UBASH3B: variants seen among roughly 807,000 people sequenced by gnomAD.
UBASH3B encodes ubiquitin-associated and SH3 domain-containing protein B.
In UBASH3B, 37 loss-of-function variants were observed where a neutral mutation model predicts 83.4. That is an observed-to-expected ratio of 0.44 (90% CI 0.34 to 0.58). The LOEUF (loss-of-function observed/expected upper bound fraction) is 0.58, where lower values mean the gene tolerates loss of function less well. UBASH3B is among the 20% of genes least tolerant of loss of function. The pLI is 0.01. For synonymous variants in UBASH3B, 304 were observed against 318.3 expected (o/e 0.96, Z 0.48); for missense variants, 657 against 827.2 (o/e 0.79, Z 2.52).
intron 1 of UBASH3B, among the ~76,000 whole-genome samples, chr11:122,741,794 C>T (rs1320136776): frequency 6.6e-6 from 1 of 152,156 alleles, no homozygotes; most frequent in African/African-American, 2.4e-5. Context: ...GTCAGCAACC[C>T]TCCTTTGCTC....
intron 1 of UBASH3B, among the ~76,000 whole-genome samples, chr11:122,765,014 G>GAA (rs57309301): frequency 8.2e-5 from 12 of 145,638 alleles, no homozygotes; most frequent in African/African-American, 3.0e-4. Flanking sequence ...CTGCTGCATA[G>GAA]AAAAAAAAAA....
Position 122,720,495 on chromosome 11 carries a change from C to T in UBASH3B, c.162-55724C>T, listed in dbSNP as rs531109753. Among the ~76,000 whole-genome samples the T allele has an allele frequency of 7.9e-5, 12 of 152,334 alleles. No homozygotes were observed. The South Asian group carries it at 2.3e-3, about 29-fold the overall frequency. On this transcript the variant is annotated intron_variant, in intron 1 of 13. Transcript: ENST00000284273. The stretch of plus-strand genomic sequence containing the variant: ...AAAGTGTAAGGCAGATGGAATCACT[C>T]CACTGCTCAAAATGCCCCAACGTTC...
At chr11:122,660,608 G>C (rs894925941) in intron 1 of UBASH3B, among the ~76,000 whole-genome samples, 3 of 152,194 alleles carry the variant, frequency 2.0e-5, no homozygotes, top group Admixed American at 2.0e-4. Context: ...TCAGAGCACT[G>C]TCATCCCCCT....
chr11:122,762,188 C>T (rs959499266), intron 1 of UBASH3B, among the ~76,000 whole-genome samples: 3 of 152,136 alleles, frequency 2.0e-5, no homozygotes, highest in African/African-American at 7.2e-5. Flanking sequence ...GTGCCCCTGG[C>T]TTGCTGTTGT....
intron 1 of UBASH3B, among the ~76,000 whole-genome samples, chr11:122,672,271 C>T (rs1863605869): frequency 6.6e-6 from 1 of 151,936 alleles, no homozygotes; most frequent in Admixed American, 6.6e-5. Flanking sequence ...TGGAGGGTAT[C>T]TCTCCTCTAA....
At chr11:122,667,594 CAG>C (rs970845188) in intron 1 of UBASH3B, among the ~76,000 whole-genome samples, 1 of 152,102 alleles carries the variant, frequency 6.6e-6, no homozygotes, top group Non-Finnish European at 1.5e-5. Context: ...ATAAACCAGA[CAG>C]GGAGCACACG....
intron 1 of UBASH3B, among the ~76,000 whole-genome samples, chr11:122,771,015 C>G (rs982788345): frequency 2.0e-5 from 3 of 152,208 alleles, no homozygotes; most frequent in Non-Finnish European, 2.9e-5. Context: ...ACGCATAAGG[C>G]CTTTGCGAGT....
chr11:122,776,309 T>G, intron 2 of UBASH3B, 37 bp downstream of exon 2: 1 of 1,576,152 alleles, frequency 6.3e-7, no homozygotes, highest in Non-Finnish European at 8.6e-7. Context: ...AAATAGCATA[T>G]AATTAACTCA....
intron 13 of UBASH3B, among the ~76,000 whole-genome samples, chr11:122,809,179 A>G (rs1318327176): frequency 6.6e-6 from 1 of 151,798 alleles, no homozygotes; most frequent in African/African-American, 2.4e-5. Flanking sequence ...GATTCAAGCG[A>G]TTCTCCTGAT....
intron 10 of UBASH3B, among the ~76,000 whole-genome samples, chr11:122,800,128 C>T (rs901411526): frequency 6.6e-6 from 1 of 152,164 alleles, no homozygotes; most frequent in Admixed American, 6.5e-5. Context: ...AAATGTTCAG[C>T]ATTAGATTTT....
At chr11:122,720,813 A>AT (rs1024110865) in intron 1 of UBASH3B, among the ~76,000 whole-genome samples, 3 of 151,714 alleles carry the variant, frequency 2.0e-5, no homozygotes, top group African/African-American at 4.8e-5. Context: ...TCCCTGCCTT[A>AT]TTTTTTCCAA....
chr11:122,682,423 C>G (rs1384389904), intron 1 of UBASH3B, among the ~76,000 whole-genome samples: 1 of 152,208 alleles, frequency 6.6e-6, no homozygotes, highest in East Asian at 1.9e-4. Context: ...GAGAAGTTCA[C>G]TTGTCCCTGT....
chr11:122,762,661 A>G (rs1385370349), intron 1 of UBASH3B, among the ~76,000 whole-genome samples: 1 of 152,198 alleles, frequency 6.6e-6, no homozygotes, highest in African/African-American at 2.4e-5. Context: ...GACTCCTGCC[A>G]CCGTCACCCG....
intron 1 of UBASH3B, among the ~76,000 whole-genome samples, chr11:122,675,787 T>C (rs1231071228): frequency 2.0e-5 from 3 of 152,158 alleles, no homozygotes; most frequent in African/African-American, 7.2e-5. Flanking sequence ...AGGAGGCACC[T>C]GCTGAAGGCA....
rs12419101 is a variant in UBASH3B, at chr11:122,785,249, C to T, written c.771+2027C>T. Among the ~76,000 whole-genome samples, 297 of 152,208 alleles carry T rather than the reference C, an allele frequency of 2.0e-3. 3 individuals carry two copies. Among genetic ancestry groups the T allele is most frequent in the Admixed American group, 0.012 (184 of 15,292 alleles). ...TTATTTGTAAAAGCTCATTTATTACCGTTCGTTCTGATAAAGCTCTCCTCG... is the reference window on the plus strand; with the variant it reads ...TTATTTGTAAAAGCTCATTTATTACTGTTCGTTCTGATAAAGCTCTCCTCG... On this transcript the variant is annotated intron_variant, in intron 5 of 13. Transcript: ENST00000284273.
chr11:122,809,663 C>T, intron 13 of UBASH3B, 86 bp from the exon 14 acceptor site: 2 of 1,429,178 alleles, frequency 1.4e-6, no homozygotes, highest in Non-Finnish European at 1.9e-6. Context: ...TTCTCTAGGG[C>T]CACATGAATA....
chr11:122,713,747 A>G (rs1864230728), intron 1 of UBASH3B, among the ~76,000 whole-genome samples: 1 of 96,618 alleles, frequency 1.0e-5, no homozygotes, highest in Non-Finnish European at 2.2e-5. Flanking sequence ...CTCCATCTCA[A>G]AAAAAAAAAA....
chr11:122,751,500 C>T (rs756419614), intron 1 of UBASH3B, among the ~76,000 whole-genome samples: 3 of 152,340 alleles, frequency 2.0e-5, no homozygotes, highest in Non-Finnish European at 2.9e-5. Flanking sequence ...TCAGGGCCAC[C>T]AACAGAGCCC....
intron 1 of UBASH3B, among the ~76,000 whole-genome samples, chr11:122,682,402 T>C (rs1396000147): frequency 6.6e-6 from 1 of 152,222 alleles, no homozygotes; most frequent in Admixed American, 6.5e-5. Flanking sequence ...GCTGAGGCGT[T>C]CACTTGTCCT....
Sources: gnomAD v4.1 joint callset for allele counts (sites outside exome capture counted in the v4.1 genomes callset) on GRCh38, gnomAD v4.1.1 for gene constraint, MANE v1.5 for transcripts, NCBI Gene and HGNC (gene_info 2026-07-23, HGNC 2026-07-21) for gene names.